The following EMX1 variants were observed in gnomAD, a reference collection of about 807,000 sequenced individuals.
EMX1 encodes empty spiracles homeobox 1, also known as homeobox protein EMX1.
Under a neutral mutation model 20.1 loss-of-function variants are expected in EMX1, and 10 were observed. The ratio of observed to expected loss-of-function variants is 0.50; its 90% CI spans 0.31 to 0.84. The LOEUF (loss-of-function observed/expected upper bound fraction) is 0.84, where lower values mean the gene tolerates loss of function less well. Among genes scored for constraint, EMX1 ranks in the 40% least tolerant of loss-of-function variants. EMX1 has a pLI of 0.05. For missense variants in EMX1, 424 were observed against 431.9 expected (o/e 0.98, Z 0.16); for synonymous variants, 250 against 200.4 (o/e 1.25, Z -2.09).
intron 2 of EMX1, among the ~76,000 whole-genome samples, chr2:72,929,100 C>T (rs1255527732): frequency 6.6e-6 from 1 of 152,120 alleles, no homozygotes; most frequent in African/African-American, 2.4e-5. Context: ...AGGGGGATAT[C>T]CAAGTGACCT....
At chr2:72,931,452 C>A (rs1047110851) in intron 2 of EMX1, among the ~76,000 whole-genome samples, 5 of 152,242 alleles carry the variant, frequency 3.3e-5, no homozygotes, top group African/African-American at 1.2e-4. Context: ...AGGAATGACA[C>A]CCCGGCCCTG....
intron 2 of EMX1, chr2:72,932,985 C>T (rs1445796942): frequency 6.6e-6 from 1 of 152,294 alleles, no homozygotes; most frequent in Non-Finnish European, 1.5e-5. Context: ...CCTCCCTGTC[C>T]TTGTCTGTCC....
intron 2 of EMX1, among the ~76,000 whole-genome samples, chr2:72,929,650 AC>A (rs1334301567): frequency 1.3e-5 from 2 of 152,220 alleles, no homozygotes; most frequent in African/African-American, 4.8e-5. Flanking sequence ...GGAGCCACAG[AC>A]TTTTCCATTT....
Position 72,918,117 on chromosome 2 carries a change from A to C in EMX1, c.265A>C (p.Ser89Arg). The C allele has an allele frequency of 6.8e-7, 1 of 1,478,602 alleles. No individual in the cohort carries two copies. Among genetic ancestry groups the C allele is most frequent in the Non-Finnish European group, 8.9e-7 (1 of 1,125,824 alleles). 91.6% of individuals were successfully genotyped at this position (1,478,602 alleles called of 1,614,324 possible). A position where few individuals can be genotyped will look rare whatever the true frequency, so the allele number is the denominator to read the frequency against. The stretch of plus-strand genomic sequence containing the variant: ...CACGGCGCTCAACTACCCTCACCCC[A>C]GCGCGGCCGAGGCGGCCTTCGTGAG... ...RPTALNYPHP[S>R]AAEAAFVSGF... Residue 89 changes from serine (S) to arginine (R), a missense_variant, in exon 1 of 3, where the codon AGC (serine) becomes CGC (arginine). Physicochemically the swap from Ser to Arg is moderately radical, Grantham distance 110 (BLOSUM62 -1). Coordinates refer to ENST00000258106, the MANE Select transcript of EMX1 (RefSeq NM_004097.3).
intron 2 of EMX1, 143 bp downstream of exon 2, chr2:72,924,636 CA>C: frequency 9.5e-7 from 1 of 1,055,884 alleles, no homozygotes; most frequent in Non-Finnish European, 1.3e-6. Context: ...GCGCTGCGGT[CA>C]AGCCCGTCTT....
chr2:72,925,619 C>T (rs1573898359), intron 2 of EMX1: 4 of 1,232,978 alleles, frequency 3.2e-6, no homozygotes, highest in Non-Finnish European at 4.2e-6. Context: ...CTCGACCCTA[C>T]TACACCACCG....
chr2:72,922,362 T>C (rs550334252), intron 1 of EMX1, among the ~76,000 whole-genome samples: 1 of 152,212 alleles, frequency 6.6e-6, no homozygotes, highest in East Asian at 1.9e-4. Context: ...AGGCTCCATA[T>C]TTTTCTGCCC....
At chr2:72,925,535 C>T (rs1396878903) in intron 2 of EMX1, 2 of 1,288,330 alleles carry the variant, frequency 1.6e-6, no homozygotes, top group East Asian at 5.6e-5. Flanking sequence ...CCCAGAGTTG[C>T]GAGAGGCCGG....
intron 1 of EMX1, among the ~76,000 whole-genome samples, chr2:72,921,282 T>A (rs1015178111): frequency 1.3e-5 from 2 of 152,136 alleles, no homozygotes; most frequent in African/African-American, 4.8e-5. Flanking sequence ...TTTCCCTAGC[T>A]CCAGGGACGG....
At position 72,924,484 on chromosome 2, in the gene EMX1, C is replaced by T. The variant is rs757126306; in HGVS notation, c.696C>T (p.Ser232=). The T allele has an allele frequency of 2.5e-6, 4 of 1,586,422 alleles. No individual in the cohort carries two copies. The highest frequency in any genetic ancestry group is 2.6e-6 in the Non-Finnish European group (3 of 1,170,516). The change falls in exon 2 of 3, where the codon TCC becomes TCT. Residue 232 remains serine (S), a synonymous_variant. Coordinates refer to ENST00000258106, the MANE Select transcript of EMX1 (RefSeq NM_004097.3). ...AGCTGGCCGGCAGTCTCAGCCTCTC[C>T]GAGACGCAGGTAATCACCCCCGGTC... ...RKQLAGSLSL[S]ETQVKVWFQN...
chr2:72,925,119 G>A (rs1032846078), intron 2 of EMX1, among the ~76,000 whole-genome samples: 1 of 152,208 alleles, frequency 6.6e-6, no homozygotes, highest in African/African-American at 2.4e-5. Flanking sequence ...ATAGGGCTGT[G>A]GAAGCCACGG....
chr2:72,920,539 C>T (rs1671082913), intron 1 of EMX1, among the ~76,000 whole-genome samples: 1 of 152,180 alleles, frequency 6.6e-6, no homozygotes, highest in Non-Finnish European at 1.5e-5. Context: ...GGCTGGGAGC[C>T]GAGCCGTCTC....
intron 2 of EMX1, chr2:72,933,342 G>A (rs1179833638): frequency 6.4e-6 from 1 of 155,442 alleles, no homozygotes; most frequent in East Asian, 1.9e-4. Flanking sequence ...GGGAGATCAT[G>A]GGAACCCACG....
intron 1 of EMX1, among the ~76,000 whole-genome samples, chr2:72,919,947 G>T (rs1371117629): frequency 1.3e-5 from 2 of 152,250 alleles, no homozygotes; most frequent in Non-Finnish European, 2.9e-5. Flanking sequence ...GCGCCCAGGG[G>T]CCGAGTTGTA....
At chr2:72,931,554 G>A (rs1302477310) in intron 2 of EMX1, among the ~76,000 whole-genome samples, 1 of 152,214 alleles carries the variant, frequency 6.6e-6, no homozygotes, top group Admixed American at 6.5e-5. Context: ...GGGGGGCAGG[G>A]GCCAGGCTGC....
upstream of EMX1, chr2:72,916,778 C>T: frequency 1.4e-6 from 1 of 717,398 alleles, no homozygotes; most frequent in South Asian, 1.5e-5. Flanking sequence ...CCCCCAGAGC[C>T]TCAGAGAAGG....
chr2:72,929,915 CCTT>C (rs1239242156), intron 2 of EMX1, among the ~76,000 whole-genome samples: 1 of 152,190 alleles, frequency 6.6e-6, no homozygotes, highest in Non-Finnish European at 1.5e-5. Flanking sequence ...TCAAGCCAAC[CCTT>C]CTTCTGCCCA....
rs1283627861 is a variant in EMX1 at position 72,924,366 on chromosome 2, A to G, written c.578A>G (p.Lys193Arg). The change falls in exon 2 of 3, where the codon AAG becomes AGG. Residue 193 changes from lysine (K) to arginine (R), a missense_variant. Coordinates refer to ENST00000258106, the MANE Select transcript of EMX1 (RefSeq NM_004097.3). Reference protein sequence around the residue: ...LLHGPFARKPKRIRTAFSPSQ... With the variant: ...LLHGPFARKPRRIRTAFSPSQ... ...CACGGCCCCTTCGCACGCAAGCCCAAGCGGATCCGCACGGCCTTCTCGCCC... is the reference window on the plus strand; with the variant it reads ...CACGGCCCCTTCGCACGCAAGCCCAGGCGGATCCGCACGGCCTTCTCGCCC... 1 of 1,590,396 alleles carries G rather than the reference A, an allele frequency of 6.3e-7. No homozygotes were observed. The highest frequency in any genetic ancestry group is 2.3e-5 in the East Asian group (1 of 44,218).
intron 2 of EMX1, chr2:72,925,821 C>G: frequency 4.1e-6 from 4 of 985,448 alleles, no homozygotes; most frequent in Non-Finnish European, 4.8e-6. Context: ...TCATATCTGT[C>G]TGCTGCCCCA....
Sources: gnomAD v4.1 joint callset for allele counts (sites outside exome capture counted in the v4.1 genomes callset) on GRCh38, gnomAD v4.1.1 for gene constraint, MANE v1.5 for transcripts, NCBI Gene and HGNC (gene_info 2026-07-23, HGNC 2026-07-21) for gene names.